CEP290: variants seen among roughly 807,000 people sequenced by gnomAD.
CEP290 encodes centrosomal protein of 290 kDa.
CEP290 carries 317 observed loss-of-function variants against 344.9 expected under a neutral mutation model. The observed-to-expected ratio is 0.92, with a 90% confidence interval of 0.84 to 1.01. The LOEUF is 1.01. Ranked by LOEUF, CEP290 falls within the 50% of genes least tolerant of loss-of-function variation. The probability of loss-of-function intolerance (pLI) is 0.00; values close to 1 mark genes in which losing one functional copy is unlikely to be tolerated. For missense variants in CEP290, 2,754 were observed against 2,761.4 expected (o/e 1.00, Z 0.06); for synonymous variants, 932 against 895.8 (o/e 1.04, Z -0.72).
At position 88,089,250 on chromosome 12, in the gene CEP290, G is replaced by A. The variant is rs1412133967; in HGVS notation, c.3811C>T (p.Arg1271Ter). Reference protein sequence around the residue: ...KHLRQTIQSLRRQFSGALPLA... With the variant: ...KHLRQTIQSL ...GGTAAAGCTCCACTAAACTGTCGTC[G>A]TAGAGACTGAATTGTTTGGCGCAGA... Residue 1271 changes from arginine (R) to a stop codon, truncating the protein, a stop_gained, in exon 31 of 54, where the codon CGA (arginine) becomes TGA (stop). Transcript: ENST00000552810. LOFTEE classifies it high-confidence loss of function. The A allele has an allele frequency of 6.2e-6, 10 of 1,613,738 alleles. No individual in the cohort carries two copies. The highest frequency in any genetic ancestry group is 1.3e-5 in the African/African-American group (1 of 74,902).
rs775965379 is a variant in CEP290, at chr12:88,107,014, T to G, written c.2568A>C (p.Ile856=). 1 of 1,550,392 alleles carries G rather than the reference T, an allele frequency of 6.4e-7. No homozygotes were observed. The highest frequency in any genetic ancestry group is 8.7e-7 in the Non-Finnish European group (1 of 1,147,778). ...KLEDQVQQDA[I]KVKEYNNLLN... ...TACTTACATTATATTCTTTTACTTT[T>G]ATAGCATCTTGTTGGACTTGATCCT... Residue 856 remains isoleucine (I), a synonymous_variant, in exon 24 of 54, where the codon ATA becomes ATC. Coordinates refer to ENST00000552810, the MANE Select transcript of CEP290 (RefSeq NM_025114.4).
chr12:88,122,570 A>G (rs1026028858), intron 13 of CEP290, among the ~76,000 whole-genome samples: 1 of 152,176 alleles, frequency 6.6e-6, no homozygotes, highest in Non-Finnish European at 1.5e-5. Context: ...TGTAGAGTAC[A>G]GTCTAGTACA....
At chr12:88,071,117 A>G (rs2035339638) in intron 43 of CEP290, among the ~76,000 whole-genome samples, 177 bp downstream of exon 43, 1 of 152,110 alleles carries the variant, frequency 6.6e-6, no homozygotes, top group African/African-American at 2.4e-5. Flanking sequence ...TATAATATTC[A>G]AAAGATCAAA....
rs1039332206 is a variant in CEP290 at position 88,102,902 on chromosome 12, T to C, written c.2927A>G (p.Tyr976Cys). Residue 976 changes from tyrosine to cysteine, a missense_variant, in exon 26 of 54, where the codon TAC becomes TGC. Tyr to Cys is a radical substitution (Grantham distance 194, BLOSUM62 -2). Transcript: ENST00000552810. ...ATTATCTTTTTGCAAGATGTCCCTG[T>C]ACTTAGCAGTCAGTTCATTGTACTG... Reference protein sequence around the residue: ...NKQYNELTAKYRDILQKDNML... With the variant: ...NKQYNELTAKCRDILQKDNML... The C allele has an allele frequency of 6.2e-7, 1 of 1,611,222 alleles. No individual in the cohort carries two copies. The highest frequency in any genetic ancestry group is 8.5e-7 in the Non-Finnish European group (1 of 1,178,768).
At chr12:88,060,165 T>C (rs371338218) in intron 47 of CEP290, 145 bp from the exon 48 acceptor site, 1 of 742,100 alleles carries the variant, frequency 1.3e-6, no homozygotes, top group South Asian at 2.2e-5. Flanking sequence ...TGAATATTAG[T>C]GAGAACGAAG....
intron 18 of CEP290, chr12:88,115,396 C>T: frequency 1.1e-6 from 1 of 897,668 alleles, no homozygotes; most frequent in Non-Finnish European, 1.6e-6. Flanking sequence ...CTCCCAACAT[C>T]CATGGTAAGA....
chr12:88,101,398 C>G (rs2037864096), intron 26 of CEP290, among the ~76,000 whole-genome samples: 3 of 149,462 alleles, frequency 2.0e-5, no homozygotes, highest in South Asian at 4.2e-4. Flanking sequence ...GGAGAACGGC[C>G]TGAACCCGGG....
intron 47 of CEP290, 54 bp downstream of exon 47, chr12:88,060,776 T>A (rs2034416497): frequency 2.2e-6 from 3 of 1,347,266 alleles, no homozygotes; most frequent in Non-Finnish European, 3.0e-6. Context: ...TTTTCCTAAA[T>A]AGTAACAAAA....
chr12:88,114,739 A>G (rs1357796329), intron 19 of CEP290, among the ~76,000 whole-genome samples, 177 bp from the exon 20 acceptor site: 1 of 152,184 alleles, frequency 6.6e-6, no homozygotes, highest in Non-Finnish European at 1.5e-5. Flanking sequence ...GTTAAATGAC[A>G]GACCTATTTA....
chr12:88,105,528 T>G lies in CEP290; in HGVS notation c.2817+1147A>C, dbSNP rs779832407. Among the ~76,000 whole-genome samples the G allele has an allele frequency of 2.0e-5, 3 of 152,226 alleles. No individual in the cohort carries two copies. In the East Asian group the frequency reaches 5.8e-4, roughly 29 times the overall value. ...AAACGCTATTTATTTTACAAAAGCA[T>G]GTCTGTTAATAAATGTAAGTGCATA... On this transcript the variant is annotated intron_variant, in intron 25 of 53. Transcript: ENST00000552810.
chr12:88,062,851 A>T, intron 45 of CEP290, 73 bp from the exon 46 acceptor site: 2 of 911,242 alleles, frequency 2.2e-6, no homozygotes, highest in Non-Finnish European at 3.4e-6. Context: ...CAAACAATTC[A>T]TAAGAACCAT....
Position 88,109,161 on chromosome 12 carries a change from TTTTTCTTTA to T in CEP290, c.2379_2387del (p.Asn793_Glu795del). ...GAGAATCTTCTAAATTCTTTAACTT[TTTTTCTTTA>T]TTTTCTAGTTCCTGAAAAGTGGTTT... On this transcript the variant is annotated inframe_deletion, in exon 23 of 54. Transcript: ENST00000552810. The T allele has an allele frequency of 7.7e-7, 1 of 1,295,932 alleles. No individual in the cohort carries two copies. Among genetic ancestry groups the T allele is most frequent in the Non-Finnish European group, 1.1e-6 (1 of 950,260 alleles). 80.3% of individuals were successfully genotyped at this position (1,295,932 alleles called of 1,614,324 possible).
Position 88,071,885 on chromosome 12 carries a change from C to G in CEP290, c.5751G>C (p.Lys1917Asn). The change falls in exon 42 of 54, where the codon AAG (lysine) becomes AAC (asparagine). Residue 1917 changes from lysine to asparagine, a missense_variant. Coordinates refer to ENST00000552810, the MANE Select transcript of CEP290 (RefSeq NM_025114.4). Reference sequence around the variant, plus strand: ...GAATTCCTTCTATTTTGGCTTGCCACTTTTTACCTTCTTCCCACCTAATTA... The same window carrying G: ...GAATTCCTTCTATTTTGGCTTGCCAGTTTTTACCTTCTTCCCACCTAATTA... ...EELIRWEEGKKWQAKIEGIRN... is the reference protein window; with the variant it reads ...EELIRWEEGKNWQAKIEGIRN... 6.2e-7 allele frequency: 1 copy of G among 1,602,442 alleles called. No homozygotes were observed. Among genetic ancestry groups the G allele is most frequent in the Non-Finnish European group, 8.5e-7 (1 of 1,175,356 alleles).
intron 26 of CEP290, among the ~76,000 whole-genome samples, chr12:88,097,387 C>T (rs1006244403): frequency 1.3e-5 from 2 of 151,834 alleles, no homozygotes; most frequent in African/African-American, 2.4e-5. Flanking sequence ...CCCCTTTGCT[C>T]GGCTCACATT....
chr12:88,131,271 A>ATTT, intron 6 of CEP290, 53 bp from the exon 7 acceptor site: 1 of 893,210 alleles, frequency 1.1e-6, no homozygotes, highest in Non-Finnish European at 1.5e-6. Context: ...TTCAGCAGTA[A>ATTT]TTTTTTTTTT....
rs148047873 is a variant in CEP290, at chr12:88,090,501, G to A, written c.3573+227C>T. Among the ~76,000 whole-genome samples, 610 of 152,190 alleles carry A rather than the reference G, an allele frequency of 4.0e-3. 6 individuals carry two copies. The highest frequency in any genetic ancestry group is 0.014 in the African/African-American group (570 of 41,544). On this transcript the variant is annotated intron_variant, in intron 30 of 53. Coordinates refer to ENST00000552810, the MANE Select transcript of CEP290 (RefSeq NM_025114.4). ...GCAAAAAAATTAGGTGTGGTGGCAC[G>A]TGCCTGTAGTCCCAGCTGTCTAAGA...
chr12:88,096,967 C>T lies in CEP290; in HGVS notation c.3024G>A (p.Glu1008=), dbSNP rs1227765663. 35 of 1,569,058 alleles carry T rather than the reference C, an allele frequency of 2.2e-5. No homozygotes were observed. Among genetic ancestry groups the T allele is most frequent in the Non-Finnish European group, 2.9e-5 (34 of 1,154,320 alleles). ...TAATCTCCAGTTCTTTATTTATAGA[C>T]TCCACTTGTTCTTTTAAGGAGATGT... ...CENISLKEQV[E]SINKELEITK... The change falls in exon 27 of 54, where the codon GAG becomes GAA. Residue 1008 remains glutamate, a synonymous_variant. Coordinates refer to ENST00000552810, the MANE Select transcript of CEP290 (RefSeq NM_025114.4).
chr12:88,084,898 T>C, intron 34 of CEP290, 46 bp from the exon 35 acceptor site: 1 of 1,373,298 alleles, frequency 7.3e-7, no homozygotes, highest in African/African-American at 1.5e-5. Context: ...TCTTTTTCCC[T>C]TTAAAATGCT....
chr12:88,071,565 T>C, intron 42 of CEP290, 116 bp from the exon 43 acceptor site: 1 of 948,150 alleles, frequency 1.1e-6, no homozygotes, highest in Non-Finnish European at 1.5e-6. Context: ...TGTCATAAGC[T>C]AATTTACAAC....
Sources: allele counts gnomAD v4.1 joint callset (sites outside exome capture counted in the v4.1 genomes callset), GRCh38; gene constraint gnomAD v4.1.1; transcripts MANE v1.5; gene names NCBI Gene and HGNC (gene_info 2026-07-23, HGNC 2026-07-21).